The following TRIM55 variants were observed in gnomAD, a reference collection of about 807,000 sequenced individuals.
TRIM55 encodes tripartite motif containing 55.
A neutral mutation model predicts 60.9 loss-of-function variants in TRIM55; 50 were observed. The observed-to-expected ratio is 0.82, with a 90% CI of 0.65 to 1.04. The LOEUF is 1.04. TRIM55 is among the 50% of genes least tolerant of loss of function. The pLI, the probability that TRIM55 is intolerant of heterozygous loss-of-function variation, is 0.00. For missense variants in TRIM55, 681 were observed against 666.9 expected, an observed-to-expected ratio of 1.02 and a Z score of -0.23; for synonymous variants, 237 against 238.1, an observed-to-expected ratio of 1.00 and a Z score of 0.04.
Position 66,149,835 on chromosome 8 carries a change from G to A in TRIM55, c.794G>A (p.Gly265Glu), listed in dbSNP as rs767167796. The A allele has an allele frequency of 6.2e-7, 1 of 1,614,192 alleles. No individual in the cohort carries two copies. The highest frequency in any genetic ancestry group is 2.2e-5 in the East Asian group (1 of 44,872). ...LENVSKLVES[G>E]IQFMDEPEMA... Reference sequence around the variant, plus strand: ...AACGTCTCAAAGTTGGTTGAGTCAGGAATTCAGTTTATGGATGAGCCAGAA... The same window carrying A: ...AACGTCTCAAAGTTGGTTGAGTCAGAAATTCAGTTTATGGATGAGCCAGAA... The change falls in exon 5 of 10, where the codon GGA becomes GAA. Residue 265 changes from glycine to glutamate, a missense_variant. Physicochemically the swap from Gly to Glu is moderately conservative, Grantham distance 98. Coordinates refer to ENST00000315962, the MANE Select transcript of TRIM55 (RefSeq NM_184085.2).
At position 66,174,532 on chromosome 8, in the gene TRIM55, C is replaced by G; in HGVS notation, c.1586C>G (p.Ala529Gly). The change falls in exon 10 of 10, where the codon GCT (alanine) becomes GGT (glycine). Residue 529 changes from alanine (A) to glycine (G), a missense_variant. Transcript: ENST00000315962. Reference sequence around the variant, plus strand: ...GCAGCTCCAGCGAGTGGCAGTGGAGCTGATTCTGAGCCAGCTCGCCATATC... The same window carrying G: ...GCAGCTCCAGCGAGTGGCAGTGGAGGTGATTCTGAGCCAGCTCGCCATATC... ...QAAAPASGSGADSEPARHIFS... is the reference protein window; with the variant it reads ...QAAAPASGSGGDSEPARHIFS... 5.0e-6 allele frequency: 8 copies of G among 1,611,798 alleles called. No individual in the cohort carries two copies. Among genetic ancestry groups the G allele is most frequent in the Non-Finnish European group, 6.8e-6 (8 of 1,179,416 alleles).
chr8:66,128,320 T>A lies in TRIM55; in HGVS notation c.185T>A (p.Leu62Ter). The A allele has an allele frequency of 6.2e-7, 1 of 1,608,160 alleles. No homozygotes were observed. The highest frequency in any genetic ancestry group is 1.1e-5 in the South Asian group (1 of 90,332). Reference protein sequence around the residue: ...SDIFQASNPYLPTRGGTTMAS... With the variant: ...SDIFQASNPY ...CAAGAACAGGCCTCTAACCCGTATT[T>A]GCCCACAAGAGGAGGTACCACCATG... The change falls in exon 2 of 10, where the codon TTG (leucine) becomes TAG (stop). Residue 62 changes from leucine to a stop codon, truncating the protein, a stop_gained. Coordinates refer to ENST00000315962, the MANE Select transcript of TRIM55 (RefSeq NM_184085.2). LOFTEE classifies it high-confidence loss of function.
chr8:66,170,727 A>G (rs1811579100), intron 9 of TRIM55, among the ~76,000 whole-genome samples: 1 of 152,236 alleles, frequency 6.6e-6, no homozygotes, highest in Non-Finnish European at 1.5e-5. Context: ...CAGCTGCTAT[A>G]GAAAACAGTA....
the TRIM55 span, among the ~76,000 whole-genome samples, chr8:66,116,740 G>C: frequency 1.3e-5 from 1 of 77,282 alleles, no homozygotes; most frequent in Non-Finnish European, 2.2e-5. Flanking sequence ...AATTAAGGTA[G>C]AAAAAAAATA....
chr8:66,174,350 ATTG>A (rs962197617), intron 9 of TRIM55, 118 bp from the exon 10 acceptor site: 1 of 730,468 alleles, frequency 1.4e-6, no homozygotes, highest in Non-Finnish European at 1.9e-6. Flanking sequence ...ATATAATAAT[ATTG>A]TTATTATAAT....
chr8:66,154,159 C>T lies in TRIM55; in HGVS notation c.1349C>T (p.Thr450Ile), dbSNP rs147160216. The T allele has an allele frequency of 1.1e-3, 1,800 of 1,613,986 alleles. 3 individuals carry two copies. The highest frequency in any genetic ancestry group is 1.5e-3 in the Non-Finnish European group (1,720 of 1,180,018). The change falls in exon 9 of 10, where the codon ACC becomes ATC. Residue 450 changes from threonine (T) to isoleucine (I), a missense_variant. Thr to Ile is a moderately conservative substitution (Grantham distance 89, BLOSUM62 -1). Coordinates refer to ENST00000315962, the MANE Select transcript of TRIM55 (RefSeq NM_184085.2). ...LFYPSWYKGQTRKATTNPPCT... is the reference protein window; with the variant it reads ...LFYPSWYKGQIRKATTNPPCT... ...TACCCTAGTTGGTATAAAGGCCAAA[C>T]CCGGAAAGCCACCACCAACCCACCT...
the TRIM55 span, chr8:66,114,826 T>C: frequency 3.0e-6 from 1 of 335,152 alleles, no homozygotes; most frequent in East Asian, 7.6e-5. Context: ...TTGGAGGAGG[T>C]TGTAATGTCA....
chr8:66,118,482 C>G, the TRIM55 span, among the ~76,000 whole-genome samples: 18 of 152,018 alleles, frequency 1.2e-4, no homozygotes, highest in African/African-American at 4.1e-4. Flanking sequence ...GCCAGGTAGA[C>G]AGCTAAATAG....
chr8:66,142,023 G>A lies in TRIM55; in HGVS notation c.603+4833G>A, dbSNP rs148567603. 2.6e-3 allele frequency among the ~76,000 whole-genome samples: 399 copies of A among 152,304 alleles called. 4 individuals are homozygous for A. The highest frequency in any genetic ancestry group is 9.2e-3 in the African/African-American group (383 of 41,552). ...TTTTAGTTCTGTTGCTTAATTACAC[G>A]ACACTGGGCATGTTACTTAAGCTTC... On this transcript the variant is annotated intron_variant, in intron 4 of 9. Coordinates refer to ENST00000315962, the MANE Select transcript of TRIM55 (RefSeq NM_184085.2).
At chr8:66,142,185 G>C (rs754609769) in intron 4 of TRIM55, among the ~76,000 whole-genome samples, 5 of 152,158 alleles carry the variant, frequency 3.3e-5, no homozygotes, top group Non-Finnish European at 5.9e-5. Context: ...GAGTCATCTT[G>C]GAAAGCACAC....
chr8:66,121,853 T>C, the TRIM55 span, among the ~76,000 whole-genome samples: 1 of 152,232 alleles, frequency 6.6e-6, no homozygotes, highest in African/African-American at 2.4e-5. Flanking sequence ...AATTTTTTCT[T>C]TTATCAGCTG....
At chr8:66,126,727 T>TG (rs1468580476), upstream of TRIM55, among the ~76,000 whole-genome samples, 1 of 152,026 alleles carries the variant, frequency 6.6e-6, no homozygotes, top group Non-Finnish European at 1.5e-5. Context: ...CCTAAGAAGG[T>TG]GCTATTAGGC....
chr8:66,120,934 C>T, the TRIM55 span, among the ~76,000 whole-genome samples: 1 of 152,200 alleles, frequency 6.6e-6, no homozygotes, highest in African/African-American at 2.4e-5. Flanking sequence ...CTGTTGGTGT[C>T]TGAAGTCAGG....
chr8:66,162,806 A>G lies in TRIM55; in HGVS notation c.1524+8472A>G, dbSNP rs966034917. On this transcript the variant is annotated intron_variant, in intron 9 of 9. Coordinates refer to ENST00000315962, the MANE Select transcript of TRIM55 (RefSeq NM_184085.2). ...TGCTTTTTATGTCCCATTTAAGAAA[A>G]CTTTGCTTAACTCAAAATTACAAAG... Among the ~76,000 whole-genome samples the G allele has an allele frequency of 2.6e-5, 4 of 152,022 alleles. No homozygotes were observed. In the South Asian group the frequency reaches 8.3e-4, roughly 32 times the overall value.
At chr8:66,114,737 G>A in the TRIM55 span, 1 of 420,770 alleles carries the variant, frequency 2.4e-6, no homozygotes, top group Non-Finnish European at 4.7e-6. Flanking sequence ...GCTCTGGGCA[G>A]ATCCGAGGTG....
intron 4 of TRIM55, among the ~76,000 whole-genome samples, chr8:66,149,402 A>G (rs6998761): frequency 0.23 from 35,104 of 152,160 alleles, 8,131 homozygotes; most frequent in African/African-American, 0.6. Flanking sequence ...CAGAAGATTG[A>G]AAAACCATTG....
At chr8:66,159,581 A>T (rs1164245115) in intron 9 of TRIM55, among the ~76,000 whole-genome samples, 3 of 152,210 alleles carry the variant, frequency 2.0e-5, no homozygotes, top group African/African-American at 7.2e-5. Flanking sequence ...TTGTATGGTA[A>T]GTTTGTGGTT....
chr8:66,139,830 T>C (rs1456661521), intron 4 of TRIM55, among the ~76,000 whole-genome samples: 1 of 152,190 alleles, frequency 6.6e-6, no homozygotes, highest in East Asian at 1.9e-4. Flanking sequence ...ATAGCAAATA[T>C]ACGTTCTTAT....
intron 2 of TRIM55, among the ~76,000 whole-genome samples, chr8:66,129,057 T>G (rs979840004): frequency 6.6e-6 from 1 of 151,834 alleles, no homozygotes; most frequent in Non-Finnish European, 1.5e-5. Flanking sequence ...TTCAGAGCCA[T>G]GAGGAAAAAA....
Sources: allele counts gnomAD v4.1 joint callset (sites outside exome capture counted in the v4.1 genomes callset), GRCh38; gene constraint gnomAD v4.1.1; transcripts MANE v1.5; gene names NCBI Gene and HGNC (gene_info 2026-07-23, HGNC 2026-07-21).